The following CEMIP variants were observed in gnomAD, a reference collection of about 807,000 sequenced individuals.
The protein encoded by CEMIP is cell migration inducing hyaluronidase 1, also known as cell migration-inducing and hyaluronan-binding protein.
A neutral mutation model predicts 156.9 loss-of-function variants in CEMIP; 105 were observed. The ratio of observed to expected loss-of-function variants is 0.67; its 90% CI spans 0.57 to 0.79. The LOEUF (loss-of-function observed/expected upper bound fraction) is 0.79. Ranked by LOEUF, CEMIP falls within the 30% of genes least tolerant of loss-of-function variation. CEMIP has a pLI of 0.00. For synonymous variants in CEMIP, 676 were observed against 668.4 expected (o/e 1.01, Z -0.17); for missense variants, 1,457 against 1,769.4 (o/e 0.82, Z 3.17).
In CEMIP at chr15:80,943,087, C is replaced by T. The variant is rs369847646; in HGVS notation, c.3842C>T (p.Ala1281Val). The T allele has an allele frequency of 1.1e-4, 180 of 1,614,240 alleles. 3 individuals carry two copies. The South Asian group carries it at 1.8e-3, about 16-fold the overall frequency. The change falls in exon 28 of 30, where the codon GCG (alanine) becomes GTG (valine). Residue 1281 changes from alanine to valine, a missense_variant. By Grantham distance (64) the Ala-to-Val change is moderately conservative (BLOSUM62 0). This residue lies in a region of CEMIP where 798 missense variants were observed against 980.1 expected (regional missense o/e 0.81). Transcript: ENST00000394685. ...GIPWQLFNYVATIPDNSIVLM... is the reference protein window; with the variant it reads ...GIPWQLFNYVVTIPDNSIVLM... ...CCATGGCAGCTTTTCAACTATGTGG[C>T]GACCATCCCTGACAAGTGAGTCTGT...
Position 80,943,057 on chromosome 15 carries a change from G to C in CEMIP, c.3812G>C (p.Gly1271Ala). ...AGCTTCAGGAACTCCATTCTGCAAG[G>C]CATACCATGGCAGCTTTTCAACTAT... The part of the protein sequence containing the change: ...HTSFRNSILQ[G>A]IPWQLFNYVA... Residue 1271 changes from glycine (G) to alanine (A), a missense_variant, in exon 28 of 30, where the codon GGC becomes GCC. Gly to Ala is a moderately conservative substitution (Grantham distance 60, BLOSUM62 0). Transcript: ENST00000394685. 1.2e-6 allele frequency: 2 copies of C among 1,614,234 alleles called. No individual in the cohort carries two copies. Among genetic ancestry groups the C allele is most frequent in the Non-Finnish European group, 1.7e-6 (2 of 1,180,036 alleles).
At chr15:80,938,056 G>C in intron 25 of CEMIP, 77 bp downstream of exon 25, 1 of 1,223,962 alleles carries the variant, frequency 8.2e-7, no homozygotes, top group Non-Finnish European at 1.2e-6. Context: ...ATAAGTCTAA[G>C]AACAGCCATG....
At chr15:80,809,238 T>C (rs758413250) in intron 1 of CEMIP, among the ~76,000 whole-genome samples, 1 of 152,202 alleles carries the variant, frequency 6.6e-6, no homozygotes, top group Non-Finnish European at 1.5e-5. Context: ...TAGTGAATAA[T>C]TGGAAACCTC....
At chr15:80,798,538 C>G (rs1165325478) in intron 1 of CEMIP, among the ~76,000 whole-genome samples, 1 of 152,282 alleles carries the variant, frequency 6.6e-6, no homozygotes, top group Middle Eastern at 3.4e-3. Flanking sequence ...TTTGATATTA[C>G]TATAACTTAA....
intron 3 of CEMIP, among the ~76,000 whole-genome samples, chr15:80,876,407 G>C (rs1342360344): frequency 6.6e-6 from 1 of 152,230 alleles, no homozygotes; most frequent in Non-Finnish European, 1.5e-5. Context: ...AAAGTCCACT[G>C]ATGAGCAAGC....
intron 1 of CEMIP, among the ~76,000 whole-genome samples, chr15:80,841,429 C>A (rs1359726359): frequency 6.6e-6 from 1 of 152,170 alleles, no homozygotes; most frequent in Non-Finnish European, 1.5e-5. Context: ...TGGGATCATC[C>A]TTTCCCTGCT....
intron 1 of CEMIP, among the ~76,000 whole-genome samples, chr15:80,825,109 A>G (rs1029781034): frequency 6.6e-6 from 1 of 152,194 alleles, no homozygotes; most frequent in African/African-American, 2.4e-5. Context: ...GCCTGCTCAC[A>G]TCTTACCTAT....
chr15:80,936,651 G>T (rs1364622099), intron 23 of CEMIP, 23 bp from the exon 24 acceptor site: 1 of 1,595,140 alleles, frequency 6.3e-7, no homozygotes, highest in South Asian at 1.1e-5. Context: ...CTCATTGTGT[G>T]TTTCCTTTTT....
chr15:80,888,564 C>A (rs1898928352), intron 8 of CEMIP, 137 bp from the exon 9 acceptor site: 1 of 690,576 alleles, frequency 1.4e-6, no homozygotes, highest in African/African-American at 1.8e-5. Flanking sequence ...TCCTAATTTT[C>A]TTTTATTTAC....
intron 12 of CEMIP, chr15:80,897,275 A>G (rs1271124827): frequency 2.2e-6 from 1 of 456,058 alleles, no homozygotes; most frequent in East Asian, 6.9e-5. Context: ...TTTTGGAAAG[A>G]AACCCACAGA....
chr15:80,884,192 C>T lies in CEMIP; in HGVS notation c.635C>T (p.Ser212Phe). ...IHSDRFDTYR[S>F]KKESERLVQY... ...CTTTTTAGGTTTGACACCTATAGAT[C>T]CAAGAAAGAGAGTGAACGTCTGGTC... is the stretch of plus-strand genomic sequence containing the variant. Residue 212 changes from serine to phenylalanine, a missense_variant, in exon 7 of 30, where the codon TCC becomes TTC. This residue lies in a region of CEMIP where 309 missense variants were observed against 340.8 expected (regional missense o/e 0.91). Coordinates refer to ENST00000394685, the MANE Select transcript of CEMIP (RefSeq NM_001293298.2). 2 of 1,614,152 alleles carry T rather than the reference C, an allele frequency of 1.2e-6. No individual in the cohort carries two copies. Among genetic ancestry groups the T allele is most frequent in the Non-Finnish European group, 1.7e-6 (2 of 1,180,032 alleles).
chr15:80,831,020 AAGTAAAT>A (rs2141678077), intron 1 of CEMIP, among the ~76,000 whole-genome samples: 1 of 152,320 alleles, frequency 6.6e-6, no homozygotes, highest in African/African-American at 2.4e-5. Flanking sequence ...ATGTAGGCAG[AAGTAAAT>A]CAAGAGGCAG....
chr15:80,942,170 TC>T (rs1901365810), intron 26 of CEMIP, 80 bp from the exon 27 acceptor site: 1 of 1,499,370 alleles, frequency 6.7e-7, no homozygotes, highest in Non-Finnish European at 9.3e-7. Flanking sequence ...ATAAACCATT[TC>T]CTGTGACTGG....
chr15:80,827,353 G>A (rs536729000), intron 1 of CEMIP, among the ~76,000 whole-genome samples: 21 of 152,314 alleles, frequency 1.4e-4, no homozygotes, highest in African/African-American at 5.1e-4. Context: ...TCAGTCCAAA[G>A]TCAACGACCT....
rs1202497914 is a variant in CEMIP, at chr15:80,901,818, T to C, written c.1412-4845T>C. Among the ~76,000 whole-genome samples, 4 of 152,126 alleles carry C rather than the reference T, an allele frequency of 2.6e-5. No individual in the cohort carries two copies. The East Asian group carries it at 7.7e-4, about 29-fold the overall frequency. ...AACGCAGAATAGAGCATTTCCTTCATCACAGGAAGTTCTAGTGGGCGGCAC... is the reference window on the plus strand; with the variant it reads ...AACGCAGAATAGAGCATTTCCTTCACCACAGGAAGTTCTAGTGGGCGGCAC... On this transcript the variant is annotated intron_variant, in intron 12 of 29. Transcript: ENST00000394685.
chr15:80,831,480 G>A (rs1031339789), intron 1 of CEMIP, among the ~76,000 whole-genome samples: 1 of 152,096 alleles, frequency 6.6e-6, no homozygotes, highest in African/African-American at 2.4e-5. Flanking sequence ...TAAGTTGGGG[G>A]GACAGGATGC....
intron 1 of CEMIP, among the ~76,000 whole-genome samples, chr15:80,790,500 T>C (rs1238644903): frequency 6.6e-6 from 1 of 152,158 alleles, no homozygotes; most frequent in African/African-American, 2.4e-5. Flanking sequence ...TTAAACTTCC[T>C]GACAACTGTG....
intron 7 of CEMIP, 118 bp from the exon 8 acceptor site, chr15:80,887,576 G>A (rs1354639743): frequency 1.3e-6 from 1 of 750,960 alleles, no homozygotes; most frequent in East Asian, 2.7e-5. Flanking sequence ...CCCCCAAACA[G>A]CAGGGAGGGA....
chr15:80,886,279 T>C (rs902047413), intron 7 of CEMIP, among the ~76,000 whole-genome samples: 4 of 151,386 alleles, frequency 2.6e-5, no homozygotes, highest in Non-Finnish European at 5.9e-5. Context: ...GCAGTGGCAG[T>C]ATATGAGAGA....
Sources: allele counts gnomAD v4.1 joint callset (sites outside exome capture counted in the v4.1 genomes callset), GRCh38; gene constraint gnomAD v4.1.1; regional missense constraint gnomAD v4.1.1; transcripts MANE v1.5; gene names NCBI Gene and HGNC (gene_info 2026-07-23, HGNC 2026-07-21).